Variants in C7 observed in about 807,000 individuals in gnomAD.
The protein encoded by C7 is complement component C7.
C7 carries 83 observed loss-of-function variants against 104.8 expected under a neutral mutation model. The ratio of observed to expected loss-of-function variants is 0.79; its 90% confidence interval spans 0.66 to 0.95. The LOEUF is 0.95. Ranked by LOEUF, C7 falls within the 40% of genes least tolerant of loss-of-function variation. C7 has a pLI of 0.00. For missense variants in C7, 1,070 were observed against 1,011.2 expected (o/e 1.06, Z -0.79); for synonymous variants, 415 against 360.6 (o/e 1.15, Z -1.71).
intron 6 of C7, among the ~76,000 whole-genome samples, chr5:40,942,014 G>T (rs1297980724): frequency 6.6e-6 from 1 of 152,184 alleles, no homozygotes; most frequent in Non-Finnish European, 1.5e-5. Context: ...AAAGCCAACA[G>T]AAGAGAGTAT....
chr5:40,914,358 T>A (rs1411804663), intron 1 of C7, among the ~76,000 whole-genome samples: 1 of 152,242 alleles, frequency 6.6e-6, no homozygotes, highest in Non-Finnish European at 1.5e-5. Flanking sequence ...AGATTCTGGA[T>A]ATTAGTTCTC....
At chr5:40,957,252 C>A (rs1016899576) in intron 10 of C7, among the ~76,000 whole-genome samples, 1 of 152,136 alleles carries the variant, frequency 6.6e-6, no homozygotes, top group Admixed American at 6.5e-5. Flanking sequence ...ACTGAGTCAG[C>A]ACATCTGTGA....
intron 9 of C7, 73 bp from the exon 10 acceptor site, chr5:40,955,314 A>T: frequency 6.9e-7 from 1 of 1,457,810 alleles, no homozygotes; most frequent in Non-Finnish European, 9.4e-7. Flanking sequence ...TTTTTCCAGG[A>T]TGTCATACAA....
intron 13 of C7, among the ~76,000 whole-genome samples, chr5:40,963,921 A>G (rs560716749): frequency 1.3e-5 from 2 of 151,928 alleles, no homozygotes; most frequent in African/African-American, 4.8e-5. Context: ...AGAAACTTAA[A>G]CTTTCATGAA....
intron 1 of C7, among the ~76,000 whole-genome samples, chr5:40,914,895 T>C (rs1429025031): frequency 1.3e-5 from 2 of 152,060 alleles, no homozygotes; most frequent in African/African-American, 4.8e-5. Context: ...CATTCAGAGT[T>C]TGGCAGGACA....
chr5:40,954,242 T>A (rs1218212312), intron 9 of C7, among the ~76,000 whole-genome samples: 1 of 152,172 alleles, frequency 6.6e-6, no homozygotes. Flanking sequence ...ATGAAAATTT[T>A]AAAACATATA....
Position 40,936,236 on chromosome 5 carries a change from T to A in C7, c.281-102T>A. On this transcript the variant is annotated intron_variant, in intron 4 of 17. Transcript: ENST00000313164. Reference sequence around the variant, plus strand: ...TTTATCTCCCATTTACATTGGCGTATCAGTGCAGTGTTACAGGTAGCAGGA... The same window carrying A: ...TTTATCTCCCATTTACATTGGCGTAACAGTGCAGTGTTACAGGTAGCAGGA... The A allele has an allele frequency of 6.7e-6, 6 of 893,518 alleles. 1 individual carries two copies. The South Asian group carries it at 9.5e-5, about 14-fold the overall frequency. The allele number at this position is 893,518 out of a possible 1,614,324, so 55.3% of individuals were successfully genotyped here.
chr5:40,972,519 G>A lies in C7; in HGVS notation c.1999G>A (p.Gly667Ser). ...CTGTTCAGGTGGCATGTCCTTAGAAGGTCCTTCAGCATTTCTCTGTGGCTC... is the reference window on the plus strand; with the variant it reads ...CTGTTCAGGTGGCATGTCCTTAGAAAGTCCTTCAGCATTTCTCTGTGGCTC... The part of the protein sequence containing the change: ...VSCSGGMSLE[G>S]PSAFLCGSSL... Residue 667 changes from glycine (G) to serine (S), a missense_variant, in exon 15 of 18, where the codon GGT becomes AGT. Coordinates refer to ENST00000313164, the MANE Select transcript of C7 (RefSeq NM_000587.4). The A allele has an allele frequency of 6.2e-7, 1 of 1,613,670 alleles. No individual in the cohort carries two copies. The highest frequency in any genetic ancestry group is 8.5e-7 in the Non-Finnish European group (1 of 1,179,714).
intron 14 of C7, among the ~76,000 whole-genome samples, chr5:40,969,123 C>T (rs1041766421): frequency 2.6e-5 from 4 of 151,826 alleles, no homozygotes; most frequent in African/African-American, 9.7e-5. Flanking sequence ...ATGAATGAGC[C>T]TATATTCTTA....
At position 40,945,452 on chromosome 5, in the gene C7, G is replaced by A. The variant is rs1740026829; in HGVS notation, c.738+84G>A. On this transcript the variant is annotated intron_variant, in intron 7 of 17. Coordinates refer to ENST00000313164, the MANE Select transcript of C7 (RefSeq NM_000587.4). The stretch of plus-strand genomic sequence containing the variant: ...TTAATAAACTTGTATTTATCAAAAG[G>A]ATCAGCTTTCATATTAAAATTAGTA... The A allele has an allele frequency of 1.6e-5, 14 of 898,208 alleles. No individual in the cohort carries two copies. The East Asian group carries it at 2.8e-4, about 18-fold the overall frequency. The allele number at this position is 898,208 out of a possible 1,614,324, so 55.6% of individuals were successfully genotyped here. A position where few individuals can be genotyped will look rare whatever the true frequency, so the allele number is the denominator to read the frequency against.
chr5:40,928,542 G>A (rs1292438545), intron 1 of C7, 38 bp from the exon 2 acceptor site: 3 of 1,176,458 alleles, frequency 2.6e-6, no homozygotes, highest in Non-Finnish European at 3.7e-6. Flanking sequence ...AAAAAGAAAT[G>A]CAAGCTAAAA....
In C7 at chr5:40,984,011, G is replaced by A. The variant is rs1244538261; in HGVS notation, c.*2438G>A. On this transcript the variant is annotated 3_prime_UTR_variant, in exon 18 of 18. Transcript: ENST00000313164. ...ATCACTAGCTTCAGGGAGCTATGTG[G>A]AGGCCAAGGCACATCCTACAGATCA... Among the ~76,000 whole-genome samples the A allele has an allele frequency of 6.6e-6, 1 of 152,152 alleles. No homozygotes were observed. Among genetic ancestry groups the A allele is most frequent in the African/African-American group, 2.4e-5 (1 of 41,448 alleles).
At position 40,937,592 on chromosome 5, in the gene C7, A is replaced by G; in HGVS notation, c.469A>G (p.Asn157Asp). 3 of 1,612,692 alleles carry G rather than the reference A, an allele frequency of 1.9e-6. No individual in the cohort carries two copies. The highest frequency in any genetic ancestry group is 2.5e-6 in the Non-Finnish European group (3 of 1,179,106). The change falls in exon 6 of 18, where the codon AAT becomes GAT. Residue 157 changes from asparagine to aspartate, a missense_variant. By Grantham distance (23) the Asn-to-Asp change is conservative. Coordinates refer to ENST00000313164, the MANE Select transcript of C7 (RefSeq NM_000587.4). ...TGGCCAGTTTAGGAACAGAGTCATC[A>G]ATACCAAAAGTTTTGGTGGTCAATG... ...LTGQFRNRVI[N>D]TKSFGGQCRK...
chr5:40,940,387 GA>G (rs1739910668), intron 6 of C7, among the ~76,000 whole-genome samples: 1 of 152,186 alleles, frequency 6.6e-6, no homozygotes, highest in South Asian at 2.1e-4. Context: ...TTCAGCCTGA[GA>G]GATAGCAGAG....
intron 1 of C7, among the ~76,000 whole-genome samples, chr5:40,924,109 C>A (rs2111630409): frequency 6.6e-6 from 1 of 152,240 alleles, no homozygotes; most frequent in East Asian, 1.9e-4. Flanking sequence ...GTTTCTTCTA[C>A]CTATGAGTTT....
chr5:40,915,031 C>T (rs751192615), intron 1 of C7, among the ~76,000 whole-genome samples: 1 of 152,084 alleles, frequency 6.6e-6, no homozygotes, highest in Non-Finnish European at 1.5e-5. Context: ...GAAATAGCAT[C>T]AGTTTGGAAA....
intron 14 of C7, among the ~76,000 whole-genome samples, chr5:40,970,897 A>T (rs1322478427): frequency 1.3e-5 from 2 of 152,130 alleles, no homozygotes; most frequent in Admixed American, 1.3e-4. Flanking sequence ...GATGGTTTCC[A>T]GCTTCATCCA....
intron 8 of C7, among the ~76,000 whole-genome samples, chr5:40,949,645 G>T (rs1319476504): frequency 6.6e-6 from 1 of 152,154 alleles, no homozygotes; most frequent in African/African-American, 2.4e-5. Flanking sequence ...ACTCTTTGGG[G>T]TGTTCAATTT....
Position 40,928,611 on chromosome 5 carries a change from T to C in C7, c.38T>C (p.Ile13Thr), listed in dbSNP as rs1271801990. The change falls in exon 2 of 18, where the codon ATA becomes ACA. Residue 13 changes from isoleucine (I) to threonine (T), a missense_variant. Ile to Thr is a moderately conservative substitution (Grantham distance 89, BLOSUM62 -1). Coordinates refer to ENST00000313164, the MANE Select transcript of C7 (RefSeq NM_000587.4). ...AGCTTATTCATTTTGGTGGGATTTA[T>C]AGGAGAGTTCCAAAGTTTTTCAAGG... ...VISLFILVGF[I>T]GEFQSFSSAS... 3.2e-6 allele frequency: 5 copies of C among 1,553,238 alleles called. No homozygotes were observed. Among genetic ancestry groups the C allele is most frequent in the Non-Finnish European group, 4.4e-6 (5 of 1,145,046 alleles).
Sources: allele counts gnomAD v4.1 joint callset (sites outside exome capture counted in the v4.1 genomes callset), GRCh38; gene constraint gnomAD v4.1.1; transcripts MANE v1.5; gene names NCBI Gene and HGNC (gene_info 2026-07-23, HGNC 2026-07-21).